Variants in NIPSNAP2 observed in about 807,000 individuals in gnomAD.
NIPSNAP2 encodes protein NipSnap homolog 2.
In NIPSNAP2, 42 loss-of-function variants were observed where a neutral mutation model predicts 48.4. The observed-to-expected ratio is 0.87, with a 90% confidence interval of 0.68 to 1.12. The LOEUF is 1.12. Ranked by LOEUF, NIPSNAP2 falls within the 50% of genes most tolerant of loss-of-function variation. The pLI is 0.00. For synonymous variants in NIPSNAP2, 158 were observed against 126.6 expected (o/e 1.25, Z -1.67); for missense variants, 314 against 347.3 (o/e 0.90, Z 0.76).
intron 3 of NIPSNAP2, chr7:55,980,123 C>T (rs1054400889): frequency 9.5e-6 from 2 of 210,524 alleles, no homozygotes; most frequent in African/African-American, 2.2e-5. Flanking sequence ...ATTTCCCTAG[C>T]AGAATCCCTC....
In NIPSNAP2 at chr7:55,990,004, G is replaced by C. The variant is rs112205830; in HGVS notation, c.618-4890G>C. On this transcript the variant is annotated intron_variant, in intron 7 of 9. Coordinates refer to ENST00000322090, the MANE Select transcript of NIPSNAP2 (RefSeq NM_001483.3). ...GTGGTGGCGAGCACCTGTAGTCCCA[G>C]CTACTCAGGAGATGGAGGCTGCAGT... 8.9e-4 allele frequency among the ~76,000 whole-genome samples: 134 copies of C among 150,364 alleles called. 2 individuals are homozygous for C. The highest frequency in any genetic ancestry group is 3.1e-3 in the African/African-American group (128 of 40,946).
chr7:55,994,569 C>T (rs1444119450), intron 7 of NIPSNAP2, among the ~76,000 whole-genome samples: 2 of 151,958 alleles, frequency 1.3e-5, no homozygotes, highest in East Asian at 1.9e-4. Flanking sequence ...AAAAATTAGC[C>T]GAGCATGGTG....
chr7:55,992,585 T>C (rs528427654), intron 7 of NIPSNAP2, among the ~76,000 whole-genome samples: 15 of 152,340 alleles, frequency 9.8e-5, no homozygotes, highest in African/African-American at 3.6e-4. Flanking sequence ...GAAGTTTGCC[T>C]CCAGGAAGAG....
At chr7:55,966,128 A>G (rs1215469037) in intron 1 of NIPSNAP2, among the ~76,000 whole-genome samples, 2 of 152,138 alleles carry the variant, frequency 1.3e-5, no homozygotes, top group East Asian at 1.9e-4. Context: ...GCAGTTTAGG[A>G]CCTGGTAAAG....
chr7:55,999,200 A>G lies in NIPSNAP2; in HGVS notation c.*128A>G. The G allele has an allele frequency of 2.8e-6, 2 of 725,450 alleles. No homozygotes were observed. The highest frequency in any genetic ancestry group is 4.7e-6 in the Non-Finnish European group (2 of 421,534). The allele number at this position is 725,450 out of a possible 1,614,324, so 44.9% of individuals were successfully genotyped here. A position where few individuals can be genotyped will look rare whatever the true frequency, so the allele number is the denominator to read the frequency against. The stretch of plus-strand genomic sequence containing the variant: ...AGCTGCTGTATATAGCTTGTGAGAA[A>G]CCTCTTTTCTTTAAAATTTACATAA... On this transcript the variant is annotated 3_prime_UTR_variant, in exon 10 of 10. Coordinates refer to ENST00000322090, the MANE Select transcript of NIPSNAP2 (RefSeq NM_001483.3).
chr7:55,989,626 A>G (rs901930824), intron 7 of NIPSNAP2, among the ~76,000 whole-genome samples: 1 of 151,330 alleles, frequency 6.6e-6, no homozygotes, highest in African/African-American at 2.4e-5. Flanking sequence ...TCCTGTCCCA[A>G]AAAAGCCTCA....
intron 7 of NIPSNAP2, among the ~76,000 whole-genome samples, chr7:55,994,080 G>GTCA (rs1787506264): frequency 2.0e-5 from 3 of 152,172 alleles, no homozygotes; most frequent in Admixed American, 2.0e-4. Flanking sequence ...GGATTTCAGA[G>GTCA]TCATCAGCTG....
chr7:55,978,874 C>A, intron 3 of NIPSNAP2: 2 of 154,596 alleles, frequency 1.3e-5, no homozygotes, highest in Non-Finnish European at 2.9e-5. Flanking sequence ...CTCTGTTCTC[C>A]AGGATCCAAG....
At chr7:55,973,531 A>C (rs563042559) in intron 1 of NIPSNAP2, among the ~76,000 whole-genome samples, 1 of 151,940 alleles carries the variant, frequency 6.6e-6, no homozygotes, top group African/African-American at 2.4e-5. Flanking sequence ...GCTGGAGTGC[A>C]GTGGCACGAC....
Position 55,967,960 on chromosome 7 carries a change from A to T in NIPSNAP2, c.92+3259A>T, listed in dbSNP as rs1338354404. The stretch of plus-strand genomic sequence containing the variant: ...TCACCACACCCGGCTGCTAATTTTT[A>T]ATTTTTTTGTAGAGAGGGGGGTCTT... On this transcript the variant is annotated intron_variant, in intron 1 of 9. Coordinates refer to ENST00000322090, the MANE Select transcript of NIPSNAP2 (RefSeq NM_001483.3). 2.0e-5 allele frequency among the ~76,000 whole-genome samples: 3 copies of T among 150,642 alleles called. No homozygotes were observed. In the East Asian group the frequency reaches 5.9e-4, roughly 30 times the overall value.
chr7:55,990,836 G>A (rs1379698092), intron 7 of NIPSNAP2, among the ~76,000 whole-genome samples: 1 of 148,232 alleles, frequency 6.7e-6, no homozygotes. Context: ...TGCCCAGGCT[G>A]GAGTGCAGTG....
At chr7:55,979,724 T>C (rs940085337) in intron 3 of NIPSNAP2, 10 of 454,910 alleles carry the variant, frequency 2.2e-5, no homozygotes, top group Middle Eastern at 6.5e-4. Flanking sequence ...TGTTTTCTTT[T>C]TTCATCACGT....
At chr7:55,997,123 C>T (rs909639233) in intron 8 of NIPSNAP2, among the ~76,000 whole-genome samples, 3 of 150,218 alleles carry the variant, frequency 2.0e-5, no homozygotes, top group African/African-American at 4.9e-5. Context: ...CGTGCCATTG[C>T]GCTCCAGGCT....
chr7:55,982,186 A>G, intron 4 of NIPSNAP2, 24 bp from the exon 5 acceptor site: 1 of 1,489,768 alleles, frequency 6.7e-7, no homozygotes, highest in Non-Finnish European at 9.4e-7. Context: ...CTAAACGTAT[A>G]CTGTCTTTTA....
intron 6 of NIPSNAP2, 147 bp from the exon 7 acceptor site, chr7:55,984,700 G>A (rs1361004297): frequency 1.1e-5 from 7 of 663,406 alleles, no homozygotes; most frequent in African/African-American, 1.9e-5. Context: ...CCTGGGTGAC[G>A]GAGCAAGATT....
intron 1 of NIPSNAP2, among the ~76,000 whole-genome samples, chr7:55,969,002 G>C (rs1485902977): frequency 1.3e-5 from 2 of 151,620 alleles, no homozygotes; most frequent in Non-Finnish European, 2.9e-5. Context: ...AGCCGAGATC[G>C]CGCCACTGCC....
chr7:55,990,717 C>A (rs900871036), intron 7 of NIPSNAP2, among the ~76,000 whole-genome samples: 23 of 152,016 alleles, frequency 1.5e-4, no homozygotes, highest in African/African-American at 5.1e-4. Flanking sequence ...TGACAGCTCT[C>A]ACCTTGAAAA....
intron 1 of NIPSNAP2, among the ~76,000 whole-genome samples, chr7:55,968,748 G>T (rs1218015213): frequency 6.6e-6 from 1 of 152,032 alleles, no homozygotes; most frequent in African/African-American, 2.4e-5. Flanking sequence ...ATATAGGGCC[G>T]GGTGTGGTGG....
chr7:55,993,656 C>G (rs1461460739), intron 7 of NIPSNAP2, among the ~76,000 whole-genome samples: 11 of 150,802 alleles, frequency 7.3e-5, no homozygotes, highest in Non-Finnish European at 4.4e-5. Context: ...ACGAGAATAA[C>G]TTGAACCCAG....
Sources: allele counts gnomAD v4.1 joint callset (sites outside exome capture counted in the v4.1 genomes callset), GRCh38; gene constraint gnomAD v4.1.1; transcripts MANE v1.5; gene names NCBI Gene and HGNC (gene_info 2026-07-23, HGNC 2026-07-21).